GRIK5: variants seen among roughly 807,000 people sequenced by gnomAD.
GRIK5 encodes glutamate ionotropic receptor kainate type subunit 5, also known as glutamate receptor ionotropic, kainate 5.
Under a neutral mutation model 97.4 loss-of-function variants are expected in GRIK5, and 43 were observed. That is an observed-to-expected ratio of 0.44 (90% CI 0.35 to 0.57). GRIK5 has a LOEUF of 0.57. GRIK5 is among the 20% of genes least tolerant of loss of function. GRIK5 has a pLI of 0.01. For synonymous variants in GRIK5, 580 were observed against 583.5 expected (o/e 0.99, Z 0.09); for missense variants, 1,015 against 1,382.0 (o/e 0.73, Z 4.21).
chr19:42,062,727 A>G lies in GRIK5; in HGVS notation c.342+31T>C, dbSNP rs1488534591. 11 of 1,612,280 alleles carry G rather than the reference A, an allele frequency of 6.8e-6. 1 individual carries two copies. The South Asian group carries it at 8.8e-5, about 13-fold the overall frequency. ...CTCGCCTCCCAGGGACCCGCTCCCC[A>G]CAAAGCGCCGGCCCACACTCCCCAT... On this transcript the variant is annotated intron_variant, in intron 4 of 19. Transcript: ENST00000593562. The surrounding 1 kb of genome is among the most constrained non-coding windows in gnomAD (Gnocchi z 5.3).
chr19:42,057,732 G>T (rs948782835), intron 6 of GRIK5, among the ~76,000 whole-genome samples: 1 of 152,036 alleles, frequency 6.6e-6, no homozygotes, highest in Non-Finnish European at 1.5e-5. Flanking sequence ...AAATGTGTAG[G>T]ACTCAGCCTA....
chr19:42,062,680 C>T lies in GRIK5; in HGVS notation c.343-27G>A. The T allele has an allele frequency of 1.2e-6, 2 of 1,613,722 alleles. No individual in the cohort carries two copies. Among genetic ancestry groups the T allele is most frequent in the Admixed American group, 1.7e-5 (1 of 60,028 alleles). On this transcript the variant is annotated intron_variant, in intron 4 of 19. Coordinates refer to ENST00000593562, the MANE Select transcript of GRIK5 (RefSeq NM_002088.5). This position sits in a 1 kb window ranked among gnomAD's most constrained non-coding sequence, Gnocchi z 5.3. ...TGGACAGAGAGGAAACTTTGGCCTC[C>T]ATCCTGCTTCTCCGCCCAGCCCTCG...
At chr19:42,013,645 C>T (rs2075592275) in intron 15 of GRIK5, among the ~76,000 whole-genome samples, 1 of 152,084 alleles carries the variant, frequency 6.6e-6, no homozygotes, top group Non-Finnish European at 1.5e-5. Context: ...CCTCTGACCT[C>T]GTGATCCGCC....
At chr19:42,066,506 GA>G (rs2076334502) in intron 1 of GRIK5, among the ~76,000 whole-genome samples, 1 of 151,040 alleles carries the variant, frequency 6.6e-6, no homozygotes, top group African/African-American at 2.4e-5. Context: ...GAGAAGGGAG[GA>G]AACAGAGAAA....
At chr19:42,000,830 T>G (rs2146005846) in intron 19 of GRIK5, among the ~76,000 whole-genome samples, 1 of 152,334 alleles carries the variant, frequency 6.6e-6, no homozygotes, top group East Asian at 1.9e-4. Flanking sequence ...CAAGCAGTCC[T>G]TGGAGAGGTC....
At chr19:42,039,788 T>C (rs958138177) in intron 12 of GRIK5, among the ~76,000 whole-genome samples, 2 of 152,166 alleles carry the variant, frequency 1.3e-5, no homozygotes, top group African/African-American at 2.4e-5. Flanking sequence ...AAGACCAGCC[T>C]AGGCAACAGG....
chr19:42,012,062 C>G (rs2075569139), intron 15 of GRIK5, among the ~76,000 whole-genome samples: 1 of 152,260 alleles, frequency 6.6e-6, no homozygotes, highest in Middle Eastern at 3.4e-3. Context: ...AGATTTAAAC[C>G]TAACCATATC....
intron 8 of GRIK5, 86 bp downstream of exon 8, chr19:42,056,576 G>T: frequency 8.4e-7 from 1 of 1,187,858 alleles, no homozygotes; most frequent in Non-Finnish European, 1.2e-6. Context: ...AGGGTTCTGA[G>T]CATGATCTGA....
intron 6 of GRIK5, among the ~76,000 whole-genome samples, chr19:42,058,184 T>C (rs2146160384): frequency 6.6e-6 from 1 of 152,196 alleles, no homozygotes. Flanking sequence ...TTTGTTTGTT[T>C]GTTTTTTGTT....
chr19:42,032,974 A>C (rs910303973), intron 12 of GRIK5, among the ~76,000 whole-genome samples: 1 of 152,216 alleles, frequency 6.6e-6, no homozygotes, highest in Non-Finnish European at 1.5e-5. Flanking sequence ...TAAATGATTT[A>C]AAAATTAGAT....
At chr19:42,059,951 G>A (rs1404089140) in intron 5 of GRIK5, among the ~76,000 whole-genome samples, 1 of 151,726 alleles carries the variant, frequency 6.6e-6, no homozygotes, top group African/African-American at 2.4e-5. Flanking sequence ...ATCCCCTCAC[G>A]CCGTGCCACT....
At position 42,015,083 on chromosome 19, in the gene GRIK5, T is replaced by C. The variant is rs111971846; in HGVS notation, c.1871+6218A>G. Among the ~76,000 whole-genome samples the C allele has an allele frequency of 5.5e-3, 838 of 152,252 alleles. 21 individuals carry two copies. The highest frequency in any genetic ancestry group is 0.019 in the African/African-American group (796 of 41,554). ...TAAGGAGAGACATTATATAATGACA[T>C]GGGTCAATTCACCTAGAGGACATAA... On this transcript the variant is annotated intron_variant, in intron 15 of 19. Coordinates refer to ENST00000593562, the MANE Select transcript of GRIK5 (RefSeq NM_002088.5).
Position 42,056,767 on chromosome 19 carries a change from G to A in GRIK5, c.798C>T (p.Gly266=), listed in dbSNP as rs2076191841. The A allele has an allele frequency of 6.2e-7, 1 of 1,614,082 alleles. No individual in the cohort carries two copies. Among genetic ancestry groups the A allele is most frequent in the Non-Finnish European group, 8.5e-7 (1 of 1,179,946 alleles). The change falls in exon 8 of 20, where the codon GGC becomes GGT. Residue 266 remains glycine (G), a synonymous_variant. Coordinates refer to ENST00000593562, the MANE Select transcript of GRIK5 (RefSeq NM_002088.5). ...GGTGGGACGTGTTGAACATGGAGAA[G>A]CCCAGGATGTTGGAGGAGTCCTCCA... is the stretch of plus-strand genomic sequence containing the variant. ...GIVEDSSNIL[G]FSMFNTSHPF...
At chr19:42,055,561 C>T (rs1317976567) in intron 8 of GRIK5, among the ~76,000 whole-genome samples, 1 of 152,176 alleles carries the variant, frequency 6.6e-6, no homozygotes. Context: ...AACTTACAGT[C>T]CTCAAATCCA....
intron 12 of GRIK5, among the ~76,000 whole-genome samples, chr19:42,031,672 A>G (rs1172387228): frequency 2.0e-5 from 3 of 152,378 alleles, no homozygotes; most frequent in South Asian, 2.1e-4. Context: ...AAAACACTCA[A>G]TGCTGAGAAG....
At chr19:42,023,568 G>A (rs1335695494) in intron 12 of GRIK5, among the ~76,000 whole-genome samples, 2 of 152,166 alleles carry the variant, frequency 1.3e-5, no homozygotes, top group Non-Finnish European at 1.5e-5. Context: ...CTCCAGTCCT[G>A]GGGCCAGGAG....
chr19:42,008,542 G>A (rs539418252), intron 15 of GRIK5, among the ~76,000 whole-genome samples: 6 of 152,040 alleles, frequency 3.9e-5, no homozygotes, highest in South Asian at 4.2e-4. Flanking sequence ...CACGAGAATC[G>A]TTGGAATCCA....
At position 42,056,705 on chromosome 19, in the gene GRIK5, G is replaced by A. The variant is rs2076190442; in HGVS notation, c.860C>T (p.Ser287Phe). 2.5e-6 allele frequency: 4 copies of A among 1,614,050 alleles called. No individual in the cohort carries two copies. The highest frequency in any genetic ancestry group is 3.4e-6 in the Non-Finnish European group (4 of 1,179,910). Residue 287 changes from serine (S) to phenylalanine (F), a missense_variant, in exon 8 of 20, where the codon TCC (serine) becomes TTC (phenylalanine). Physicochemically the swap from Ser to Phe is radical, Grantham distance 155 (BLOSUM62 -2). Around this residue, in one of 5 missense-constraint regions of GRIK5, gnomAD observed 477 missense variants for 701.1 expected, o/e 0.68. Transcript: ENST00000593562. ...YPEFVRSLNM[S>F]WRENCEASTY... ...GCTGGCTTCACAGTTCTCCCTCCAG[G>A]ACATGTTGAGGCTGCGGACAAACTC...
At chr19:42,046,134 T>C (rs1401578063) in intron 11 of GRIK5, among the ~76,000 whole-genome samples, 3 of 152,002 alleles carry the variant, frequency 2.0e-5, no homozygotes, top group Admixed American at 6.6e-5. Context: ...AGCAGGGCAG[T>C]GGGAAGGGAG....
Sources: gnomAD v4.1 joint callset for allele counts (sites outside exome capture counted in the v4.1 genomes callset) on GRCh38, gnomAD v4.1.1 for gene constraint, gnomAD v4.1.1 regional missense constraint, Gnocchi (gnomAD v3.1) non-coding constraint, MANE v1.5 for transcripts, NCBI Gene and HGNC (gene_info 2026-07-23, HGNC 2026-07-21) for gene names.